The following DLEU7 variants were observed in gnomAD, a reference collection of about 807,000 sequenced individuals.
DLEU7 encodes leukemia-associated protein 7.
Under a neutral mutation model 16.0 loss-of-function variants are expected in DLEU7, and 17 were observed. The observed-to-expected ratio is 1.06, with a 90% confidence interval of 0.73 to 1.59. DLEU7 has a LOEUF of 1.59. DLEU7 is among the 40% of genes most tolerant of loss of function. The pLI is 0.00. For synonymous variants in DLEU7, 113 were observed against 139.8 expected, an observed-to-expected ratio of 0.81 and a Z score of 1.35; for missense variants, 308 against 314.9, an observed-to-expected ratio of 0.98 and a Z score of 0.17.
chr13:50,744,704 ACTC>A (rs1341465592), intron 1 of DLEU7, among the ~76,000 whole-genome samples: 4 of 152,218 alleles, frequency 2.6e-5, no homozygotes, highest in African/African-American at 9.6e-5. Context: ...TATATAAAGA[ACTC>A]CTACGATTCA....
chr13:50,768,632 G>A (rs951392755), intron 1 of DLEU7, among the ~76,000 whole-genome samples: 2 of 152,146 alleles, frequency 1.3e-5, no homozygotes, highest in African/African-American at 2.4e-5. Context: ...GTTTATGGCT[G>A]CATAGTAGTC....
At chr13:50,784,028 C>T (rs147272804) in intron 1 of DLEU7, among the ~76,000 whole-genome samples, 31 of 152,328 alleles carry the variant, frequency 2.0e-4, no homozygotes, top group African/African-American at 5.3e-4. Context: ...TTCAGTTCAG[C>T]GACCCGCCCC....
At chr13:50,777,144 C>A (rs145214278) in intron 1 of DLEU7, among the ~76,000 whole-genome samples, 5 of 152,126 alleles carry the variant, frequency 3.3e-5, no homozygotes, top group Non-Finnish European at 7.4e-5. Context: ...TTCCTGGCTA[C>A]GGAAAGTATT....
intron 1 of DLEU7, among the ~76,000 whole-genome samples, chr13:50,790,926 C>T (rs140111995): frequency 7.4e-4 from 112 of 152,230 alleles, no homozygotes; most frequent in East Asian, 3.1e-3. Flanking sequence ...AAGCTCACTT[C>T]GGCTATACCC....
chr13:50,787,956 C>A (rs755857159), intron 1 of DLEU7, among the ~76,000 whole-genome samples: 44 of 152,158 alleles, frequency 2.9e-4, no homozygotes, highest in Admixed American at 9.8e-4. Context: ...GCTGTGAAAC[C>A]TCCCCTAAGC....
In DLEU7 at chr13:50,726,462, G is replaced by GT. The variant is rs1362485773; in HGVS notation, c.460-13223dup. Among the ~76,000 whole-genome samples the GT allele has an allele frequency of 6.6e-6, 1 of 152,102 alleles. No individual in the cohort carries two copies. The highest frequency in any genetic ancestry group is 1.5e-5 in the Non-Finnish European group (1 of 68,012). Reference sequence around the variant, plus strand: ...GGCTTCCATTTAACCAGAAATACATGTTTTTTAACTTAAATTTCCCTCGAA... The same window carrying GT: ...GGCTTCCATTTAACCAGAAATACATGTTTTTTTAACTTAAATTTCCCTCGAA... On this transcript the variant is annotated intron_variant, in intron 1 of 1. Coordinates refer to the DLEU7 transcript ENST00000400393. The surrounding 1 kb of genome is among the most constrained non-coding windows in gnomAD (Gnocchi z 4.0).
intron 1 of DLEU7, among the ~76,000 whole-genome samples, chr13:50,811,766 A>G (rs1876574502): frequency 6.6e-6 from 1 of 152,150 alleles, no homozygotes; most frequent in Admixed American, 6.6e-5. Context: ...ACTTGTCTTC[A>G]TATTTAAATG....
chr13:50,766,266 G>A (rs1649669231), intron 1 of DLEU7, among the ~76,000 whole-genome samples: 1 of 152,102 alleles, frequency 6.6e-6, no homozygotes, highest in Admixed American at 6.5e-5. Context: ...CTCCCATCAC[G>A]TTCGGCATCA....
chr13:50,763,171 C>T (rs962820921), intron 1 of DLEU7, among the ~76,000 whole-genome samples: 1 of 152,150 alleles, frequency 6.6e-6, no homozygotes, highest in African/African-American at 2.4e-5. Flanking sequence ...CTCGGTACTG[C>T]TGTGGCACTG....
chr13:50,728,574 A>G (rs1168294576), intron 1 of DLEU7, among the ~76,000 whole-genome samples: 1 of 152,078 alleles, frequency 6.6e-6, no homozygotes, highest in Non-Finnish European at 1.5e-5. Context: ...AGCGAGGTTA[A>G]TAGGACTAAA....
rs185098251 is a variant in DLEU7, at chr13:50,815,280, G to A, written c.459+27908C>T. Among the ~76,000 whole-genome samples, 145 of 152,164 alleles carry A rather than the reference G, an allele frequency of 9.5e-4. 1 individual carries two copies. In the Middle Eastern group the frequency reaches 0.01, roughly 11 times the overall value. On this transcript the variant is annotated intron_variant, in intron 1 of 1. Coordinates refer to the DLEU7 transcript ENST00000400393. ...ACGTAATCATTACTTACAATTGCAC[G>A]TCATTCTGAAATTTCTCACTTCTTT...
intron 1 of DLEU7, among the ~76,000 whole-genome samples, chr13:50,765,875 C>G (rs1053157228): frequency 6.6e-6 from 1 of 152,114 alleles, no homozygotes; most frequent in Middle Eastern, 3.2e-3. Flanking sequence ...ACTTGCATTG[C>G]GTGGATTATT....
chr13:50,738,774 T>TG (rs904549207), intron 1 of DLEU7, among the ~76,000 whole-genome samples: 4 of 151,838 alleles, frequency 2.6e-5, no homozygotes, highest in African/African-American at 9.7e-5. Flanking sequence ...TGGAAGAAAA[T>TG]GGGGGAAAGT....
chr13:50,822,799 A>T (rs1876953891), downstream of DLEU7: 1 of 985,472 alleles, frequency 1.0e-6, no homozygotes, highest in African/African-American at 1.7e-5. Flanking sequence ...ATTGAAGCTC[A>T]TAATTACTGA....
At chr13:50,720,334 A>G (rs896162766) in intron 1 of DLEU7, among the ~76,000 whole-genome samples, 5 of 152,204 alleles carry the variant, frequency 3.3e-5, no homozygotes, top group African/African-American at 1.2e-4. Flanking sequence ...TGTCAGCCAA[A>G]CTTGGTAAGA....
At chr13:50,794,095 A>C (rs1009258621) in intron 1 of DLEU7, among the ~76,000 whole-genome samples, 10 of 152,134 alleles carry the variant, frequency 6.6e-5, no homozygotes, top group Non-Finnish European at 1.3e-4. Context: ...GTTTTTAAAC[A>C]ACTTGTAAGT....
chr13:50,817,878 C>G, intron 1 of DLEU7, among the ~76,000 whole-genome samples: 1 of 150,180 alleles, frequency 6.7e-6, no homozygotes, highest in Non-Finnish European at 1.5e-5. Flanking sequence ...CAGGAAATTA[C>G]AGAATACAGT....
chr13:50,782,120 CT>C (rs763757810), intron 1 of DLEU7, among the ~76,000 whole-genome samples: 2 of 152,186 alleles, frequency 1.3e-5, no homozygotes, highest in Non-Finnish European at 2.9e-5. Flanking sequence ...TTAACACTCT[CT>C]TCCCTCCGTT....
At chr13:50,836,751 C>G (rs1387099325) in intron 1 of DLEU7, among the ~76,000 whole-genome samples, 4 of 152,080 alleles carry the variant, frequency 2.6e-5, no homozygotes, top group Non-Finnish European at 5.9e-5. Context: ...GTGTTGAGGG[C>G]TGTCCTTAAT....
Sources: allele counts gnomAD v4.1 joint callset (sites outside exome capture counted in the v4.1 genomes callset), GRCh38; gene constraint gnomAD v4.1.1; non-coding constraint Gnocchi (gnomAD v3.1); transcripts MANE v1.5; gene names NCBI Gene and HGNC (gene_info 2026-07-23, HGNC 2026-07-21).